Variants in ZNF267 observed in about 807,000 individuals in gnomAD.
ZNF267 encodes the protein zinc finger (C2H2).
In ZNF267, 61 loss-of-function variants were observed where a neutral mutation model predicts 71.6. The ratio of observed to expected loss-of-function variants is 0.85; its 90% confidence interval spans 0.69 to 1.05. ZNF267 has a LOEUF of 1.05. Among genes scored for constraint, ZNF267 ranks in the 50% least tolerant of loss-of-function variants. The pLI, the probability that ZNF267 is intolerant of heterozygous loss-of-function variation, is 0.00. For synonymous variants in ZNF267, 288 were observed against 293.2 expected, an observed-to-expected ratio of 0.98 and a Z score of 0.18; for missense variants, 852 against 870.0, an observed-to-expected ratio of 0.98 and a Z score of 0.26.
At chr16:31,875,299 C>G in intron 1 of ZNF267, 2 of 1,289,146 alleles carry the variant, frequency 1.6e-6, no homozygotes, top group Non-Finnish European at 2.0e-6. Flanking sequence ...GAGGACCGCC[C>G]AAGGTATGGA....
At chr16:31,875,295 C>T (rs1256018772) in intron 1 of ZNF267, 3 of 1,289,030 alleles carry the variant, frequency 2.3e-6, no homozygotes, top group African/African-American at 3.0e-5. Flanking sequence ...GTTAGAGGAC[C>T]GCCCAAGGTA....
rs1255152316 is a variant in ZNF267 at position 31,916,519 on chromosome 16, C to T, written c.*38C>T. The T allele has an allele frequency of 6.4e-7, 1 of 1,564,346 alleles. No individual in the cohort carries two copies. The highest frequency in any genetic ancestry group is 1.8e-5 in the Admixed American group (1 of 55,626). ...TGGAGCAGATTTTTTACTTGTTACCCATGTCTTATTGTGCATCAGATAATT... is the reference window on the plus strand; with the variant it reads ...TGGAGCAGATTTTTTACTTGTTACCTATGTCTTATTGTGCATCAGATAATT... On this transcript the variant is annotated 3_prime_UTR_variant, in exon 4 of 4. Coordinates refer to ENST00000300870, the MANE Select transcript of ZNF267 (RefSeq NM_003414.6).
intron 1 of ZNF267, among the ~76,000 whole-genome samples, chr16:31,875,972 T>A (rs1166004097): frequency 6.6e-6 from 1 of 151,894 alleles, no homozygotes; most frequent in Non-Finnish European, 1.5e-5. Flanking sequence ...TTGTTCTTTT[T>A]TTGGGAGTAA....
intron 3 of ZNF267, chr16:31,894,590 G>T: frequency 4.1e-6 from 2 of 490,068 alleles, no homozygotes; most frequent in Non-Finnish European, 8.1e-6. Flanking sequence ...AGAGCTTTGT[G>T]CTGTTCAGAT....
At chr16:31,900,793 AT>A (rs982437645) in intron 3 of ZNF267, among the ~76,000 whole-genome samples, 4 of 107,958 alleles carry the variant, frequency 3.7e-5, no homozygotes, top group Admixed American at 9.4e-5. Flanking sequence ...ACTTATTTTT[AT>A]TTTTTTATTT....
intron 3 of ZNF267, among the ~76,000 whole-genome samples, chr16:31,898,920 A>G (rs965912021): frequency 2.0e-5 from 3 of 152,178 alleles, no homozygotes; most frequent in African/African-American, 7.2e-5. Flanking sequence ...CTTTAAACCA[A>G]CAAAGGTCAA....
At chr16:31,875,364 G>A in intron 1 of ZNF267, 1 of 1,248,704 alleles carries the variant, frequency 8.0e-7, no homozygotes, top group Non-Finnish European at 1.0e-6. Flanking sequence ...GAAATCTCCT[G>A]GGACACCCTT....
chr16:31,901,004 T>C (rs914729126), intron 3 of ZNF267, among the ~76,000 whole-genome samples: 1 of 151,978 alleles, frequency 6.6e-6, no homozygotes, highest in Non-Finnish European at 1.5e-5. Flanking sequence ...CCTGTGTCCA[T>C]GTGTTCTCTT....
At chr16:31,901,805 C>T (rs1482770015) in intron 3 of ZNF267, among the ~76,000 whole-genome samples, 1 of 152,186 alleles carries the variant, frequency 6.6e-6, no homozygotes, top group Non-Finnish European at 1.5e-5. Context: ...TTAATTAGAT[C>T]CCATTTGTCA....
chr16:31,902,805 C>T (rs1596625483), intron 3 of ZNF267, among the ~76,000 whole-genome samples: 3 of 152,152 alleles, frequency 2.0e-5, no homozygotes, highest in South Asian at 4.2e-4. Flanking sequence ...GCCTGATTGC[C>T]CTGGCCAGAA....
intron 3 of ZNF267, among the ~76,000 whole-genome samples, chr16:31,886,565 G>A (rs571420322): frequency 6.6e-6 from 1 of 152,230 alleles, no homozygotes; most frequent in South Asian, 2.1e-4. Context: ...CCCCCGACTC[G>A]ACCTCCATCC....
chr16:31,876,135 C>A (rs1237274576), intron 1 of ZNF267, among the ~76,000 whole-genome samples: 2 of 152,164 alleles, frequency 1.3e-5, no homozygotes, highest in Non-Finnish European at 2.9e-5. Flanking sequence ...ATCAAAACAT[C>A]AGTTTCTTTT....
In ZNF267 at chr16:31,884,518, T is replaced by A; in HGVS notation, c.24T>A (p.Asp8Glu). The A allele has an allele frequency of 6.2e-7, 1 of 1,614,170 alleles. No individual in the cohort carries two copies. The highest frequency in any genetic ancestry group is 8.5e-7 in the Non-Finnish European group (1 of 1,180,000). The change falls in exon 2 of 4, where the codon GAT (aspartate) becomes GAA (glutamate). Residue 8 changes from aspartate (D) to glutamate (E), a missense_variant. Physicochemically the swap from Asp to Glu is conservative, Grantham distance 45. Transcript: ENST00000300870. Reference sequence around the variant, plus strand: ...TTCAGGGACTGTTGACATTCAGGGATGTGGCCGTAGAATTCTCTTTGGAGG... The same window carrying A: ...TTCAGGGACTGTTGACATTCAGGGAAGTGGCCGTAGAATTCTCTTTGGAGG... Reference protein sequence around the residue: MGLLTFRDVAVEFSLEEW... With the variant: MGLLTFREVAVEFSLEEW...
In ZNF267 at chr16:31,903,652, A is replaced by C. The variant is rs954459935; in HGVS notation, c.227-10824A>C. Among the ~76,000 whole-genome samples, 5 of 151,878 alleles carry C rather than the reference A, an allele frequency of 3.3e-5. No individual in the cohort carries two copies. The East Asian group carries it at 9.6e-4, about 29-fold the overall frequency. On this transcript the variant is annotated intron_variant, in intron 3 of 3. Transcript: ENST00000300870. ...GGTGATATCCCCTTTGTCATTTTTT[A>C]TTGCATCTATTTGATTCTTCTCTCT...
At chr16:31,887,251 C>CTTTT (rs760504639) in intron 3 of ZNF267, among the ~76,000 whole-genome samples, 1 of 130,064 alleles carries the variant, frequency 7.7e-6, no homozygotes, top group African/African-American at 2.8e-5. Flanking sequence ...GTCAGATTTA[C>CTTTT]TTTTTTTTTT....
At chr16:31,898,844 A>C (rs755655334) in intron 3 of ZNF267, among the ~76,000 whole-genome samples, 4 of 152,114 alleles carry the variant, frequency 2.6e-5, no homozygotes, top group Non-Finnish European at 5.9e-5. Context: ...GGATGGTGGA[A>C]GATCTGCCAA....
chr16:31,916,859 A>C lies in ZNF267; in HGVS notation c.*378A>C, dbSNP rs1170259586. On this transcript the variant is annotated 3_prime_UTR_variant, in exon 4 of 4. Coordinates refer to ENST00000300870, the MANE Select transcript of ZNF267 (RefSeq NM_003414.6). Reference sequence around the variant, plus strand: ...ATAAAAAATGAAGTCTAAATGTGTCAGAGAATTTATGTGAGAAAGGACTAA... The same window carrying C: ...ATAAAAAATGAAGTCTAAATGTGTCCGAGAATTTATGTGAGAAAGGACTAA... 2 of 177,810 alleles carry C rather than the reference A, an allele frequency of 1.1e-5. No homozygotes were observed. Among genetic ancestry groups the C allele is most frequent in the Non-Finnish European group, 2.4e-5 (2 of 82,990 alleles). 11.0% of individuals were successfully genotyped at this position (177,810 alleles called of 1,614,324 possible).
chr16:31,901,135 A>AT (rs2142350487), intron 3 of ZNF267, among the ~76,000 whole-genome samples: 1 of 152,024 alleles, frequency 6.6e-6, no homozygotes, highest in South Asian at 2.1e-4. Context: ...TGAACTCATC[A>AT]TTTTTTATGG....
rs868001905 is a variant in ZNF267, at chr16:31,881,771, A to C, written c.4-2727A>C. 3.4e-5 allele frequency among the ~76,000 whole-genome samples: 5 copies of C among 145,912 alleles called. 1 individual carries two copies. Among genetic ancestry groups the C allele is most frequent in the African/African-American group, 5.1e-5 (2 of 38,994 alleles). On this transcript the variant is annotated intron_variant, in intron 1 of 3. Transcript: ENST00000300870. The stretch of plus-strand genomic sequence containing the variant: ...AACTTCTGCCTTCCCGGTTCAGATG[A>C]TTCTCCTGCCTCAGCCTCCCGAGTA...
Sources: allele counts gnomAD v4.1 joint callset (sites outside exome capture counted in the v4.1 genomes callset), GRCh38; gene constraint gnomAD v4.1.1; transcripts MANE v1.5; gene names NCBI Gene and HGNC (gene_info 2026-07-23, HGNC 2026-07-21).